The following RARB variants were observed in gnomAD, a reference collection of about 807,000 sequenced individuals.
RARB encodes the protein HBV-activated protein.
In RARB, 17 loss-of-function variants were observed where a neutral mutation model predicts 51.9. The ratio of observed to expected loss-of-function variants is 0.33; its 90% confidence interval spans 0.22 to 0.49. The LOEUF is 0.49. Among genes scored for constraint, RARB ranks in the 20% least tolerant of loss-of-function variants. RARB has a pLI of 0.99. For missense variants in RARB, 369 were observed against 550.8 expected (o/e 0.67, Z 3.30); for synonymous variants, 215 against 195.4 (o/e 1.10, Z -0.84).
At chr3:25,124,789 C>T (rs1285778004) in intron 3 of RARB, among the ~76,000 whole-genome samples, 1 of 152,106 alleles carries the variant, frequency 6.6e-6, no homozygotes, top group Non-Finnish European at 1.5e-5. Flanking sequence ...TTTTATTTGC[C>T]TCATGTTTGT....
intron 5 of RARB, among the ~76,000 whole-genome samples, chr3:25,221,661 G>A (rs577034540): frequency 2.7e-4 from 41 of 152,248 alleles, no homozygotes; most frequent in African/African-American, 9.6e-4. Context: ...GTCTTAAAGA[G>A]AAGTCACTTC....
intron 3 of RARB, among the ~76,000 whole-genome samples, chr3:25,069,666 C>T (rs1338297864): frequency 6.6e-6 from 1 of 152,160 alleles, no homozygotes; most frequent in East Asian, 1.9e-4. Context: ...TACACTGTCA[C>T]AGCGTTTTAT....
intron 4 of RARB, among the ~76,000 whole-genome samples, chr3:25,579,235 A>G (rs1303058244): frequency 6.6e-6 from 1 of 152,196 alleles, no homozygotes; most frequent in Non-Finnish European, 1.5e-5. Context: ...ATTTTACATA[A>G]TGTAATTTTT....
chr3:25,513,405 G>C (rs1698002548), intron 3 of RARB, among the ~76,000 whole-genome samples: 1 of 152,084 alleles, frequency 6.6e-6, no homozygotes, highest in African/African-American at 2.4e-5. Flanking sequence ...ACTTCTGTCT[G>C]ATCTTCCAAG....
chr3:25,181,835 A>C (rs530516437), intron 5 of RARB, among the ~76,000 whole-genome samples: 118 of 152,188 alleles, frequency 7.8e-4, no homozygotes, highest in African/African-American at 2.6e-3. Flanking sequence ...TTATAAAATC[A>C]TGTCACCGAT....
At chr3:25,460,463 T>TA (rs1553618151) in intron 1 of RARB, among the ~76,000 whole-genome samples, 26 of 149,880 alleles carry the variant, frequency 1.7e-4, no homozygotes, top group Non-Finnish European at 3.3e-4. Flanking sequence ...TTTATTTATT[T>TA]TTGAGACGGA....
At chr3:25,164,089 TAAA>T (rs201808369) in intron 4 of RARB, among the ~76,000 whole-genome samples, 1 of 151,690 alleles carries the variant, frequency 6.6e-6, no homozygotes, top group African/African-American at 2.4e-5. Context: ...CCTGGCTTGA[TAAA>T]AAAAATGCAG....
chr3:25,159,917 A>G (rs1386603441), intron 4 of RARB, among the ~76,000 whole-genome samples: 3 of 152,196 alleles, frequency 2.0e-5, no homozygotes, highest in Non-Finnish European at 4.4e-5. Flanking sequence ...ACACATCTTT[A>G]TTTTGGGGGA....
At chr3:25,132,323 C>T (rs763325275) in intron 4 of RARB, among the ~76,000 whole-genome samples, 1 of 151,890 alleles carries the variant, frequency 6.6e-6, no homozygotes, top group South Asian at 2.1e-4. Context: ...AGTAGCTTGC[C>T]GTCTTGTGCT....
At chr3:25,381,870 G>A (rs999220413) in intron 5 of RARB, among the ~76,000 whole-genome samples, 2 of 152,184 alleles carry the variant, frequency 1.3e-5, no homozygotes, top group Admixed American at 6.5e-5. Context: ...GCTAATGCTT[G>A]AGAACTACCA....
At chr3:25,246,105 C>T (rs972806243) in intron 5 of RARB, among the ~76,000 whole-genome samples, 1 of 151,806 alleles carries the variant, frequency 6.6e-6, no homozygotes, top group Non-Finnish European at 1.5e-5. Flanking sequence ...TATGCTTGAT[C>T]GATTTGGCTA....
chr3:24,944,882 T>G (rs745429680), intron 2 of RARB, among the ~76,000 whole-genome samples: 4 of 152,188 alleles, frequency 2.6e-5, no homozygotes, highest in Non-Finnish European at 5.9e-5. Flanking sequence ...GATATGAAGA[T>G]AATAGTTTTA....
intron 5 of RARB, 40 bp from the exon 6 acceptor site, chr3:25,593,463 G>C (rs1372071688): frequency 6.5e-7 from 1 of 1,542,554 alleles, no homozygotes; most frequent in Non-Finnish European, 9.0e-7. Context: ...TTTCAGGACA[G>C]GATGGCTTAG....
At chr3:25,219,030 A>T (rs147894141) in intron 5 of RARB, among the ~76,000 whole-genome samples, 46 of 152,150 alleles carry the variant, frequency 3.0e-4, no homozygotes, top group Non-Finnish European at 5.7e-4. Flanking sequence ...CCCTTTGTCA[A>T]CCCATCATGT....
chr3:24,947,033 A>G (rs559389858), intron 2 of RARB, among the ~76,000 whole-genome samples: 4 of 152,200 alleles, frequency 2.6e-5, no homozygotes, highest in Non-Finnish European at 5.9e-5. Flanking sequence ...CCTTTGATAA[A>G]ACTGAAGGTA....
chr3:25,334,228 C>T lies in RARB; in HGVS notation c.179-126965C>T, dbSNP rs1007021711. 3.3e-5 allele frequency among the ~76,000 whole-genome samples: 5 copies of T among 152,232 alleles called. No homozygotes were observed. In the South Asian group the frequency reaches 6.2e-4, roughly 19 times the overall value. Reference sequence around the variant, plus strand: ...ATGCTGCTATAAAGACACATGCACACGTATGTTTATTGCAGCACTATTCAC... The same window carrying T: ...ATGCTGCTATAAAGACACATGCACATGTATGTTTATTGCAGCACTATTCAC... On this transcript the variant is annotated intron_variant, in intron 5 of 11. Transcript: ENST00000383772.
At chr3:25,143,320 G>A (rs1700138850) in intron 4 of RARB, among the ~76,000 whole-genome samples, 1 of 152,176 alleles carries the variant, frequency 6.6e-6, no homozygotes, top group African/African-American at 2.4e-5. Flanking sequence ...GGCACTGTAA[G>A]AACTGGTTTT....
chr3:25,281,636 T>C (rs545826739), intron 5 of RARB, among the ~76,000 whole-genome samples: 3 of 152,322 alleles, frequency 2.0e-5, no homozygotes, highest in Admixed American at 6.5e-5. Flanking sequence ...ATCAATTAAT[T>C]AGAAGCTATT....
At chr3:24,939,437 A>AT (rs1432172721) in intron 2 of RARB, among the ~76,000 whole-genome samples, 1 of 152,224 alleles carries the variant, frequency 6.6e-6, no homozygotes, top group East Asian at 1.9e-4. Flanking sequence ...GCTGCATTAT[A>AT]TAGTCTTTTT....
Sources: gnomAD v4.1 joint callset for allele counts (sites outside exome capture counted in the v4.1 genomes callset) on GRCh38, gnomAD v4.1.1 for gene constraint, MANE v1.5 for transcripts, NCBI Gene and HGNC (gene_info 2026-07-23, HGNC 2026-07-21) for gene names.